The following UNC13C variants were observed in gnomAD, a reference collection of about 807,000 sequenced individuals.
UNC13C encodes the protein unc-13 homolog C.
A neutral mutation model predicts 245.4 loss-of-function variants in UNC13C; 174 were observed. The observed-to-expected ratio is 0.71, with a 90% CI of 0.63 to 0.80. UNC13C has a LOEUF of 0.80. UNC13C is among the 30% of genes least tolerant of loss of function. UNC13C has a pLI of 0.00. For missense variants in UNC13C, 2,829 were observed against 2,602.9 expected (o/e 1.09, Z -1.89); for synonymous variants, 992 against 895.1 (o/e 1.11, Z -1.93).
intron 2 of UNC13C, among the ~76,000 whole-genome samples, chr15:54,083,247 A>T (rs1899052351): frequency 6.6e-6 from 1 of 152,106 alleles, no homozygotes; most frequent in Non-Finnish European, 1.5e-5. Flanking sequence ...CAGTTCATTT[A>T]GACTTTGTTC....
chr15:53,955,254 A>G, the UNC13C span, among the ~76,000 whole-genome samples: 1 of 134,900 alleles, frequency 7.4e-6, no homozygotes, highest in South Asian at 2.4e-4. Flanking sequence ...TATCAAAGCT[A>G]TGACTTTTTC....
intron 10 of UNC13C, among the ~76,000 whole-genome samples, chr15:54,282,826 A>G (rs1052759251): frequency 2.0e-5 from 3 of 152,184 alleles, no homozygotes; most frequent in Non-Finnish European, 4.4e-5. Flanking sequence ...GAGGGGAGCT[A>G]GAGAGGGGAC....
intron 4 of UNC13C, among the ~76,000 whole-genome samples, chr15:54,201,328 C>T (rs961030298): frequency 9.2e-5 from 14 of 152,010 alleles, no homozygotes; most frequent in African/African-American, 3.1e-4. Context: ...GCCAGTATCA[C>T]TCTAGTACCA....
the UNC13C span, among the ~76,000 whole-genome samples, chr15:53,858,580 G>T: frequency 6.6e-6 from 1 of 151,476 alleles, no homozygotes; most frequent in African/African-American, 2.4e-5. Flanking sequence ...CTCACCGCAT[G>T]CAGCTAATTT....
intron 29 of UNC13C, among the ~76,000 whole-genome samples, chr15:54,565,668 G>C (rs1414366889): frequency 6.6e-6 from 1 of 151,934 alleles, no homozygotes; most frequent in Non-Finnish European, 1.5e-5. Context: ...AGAAAAGCTG[G>C]AATAGAGGCA....
rs546200122 is a variant in UNC13C, at chr15:54,107,527, A to G, written c.2984-35491A>G. Among the ~76,000 whole-genome samples the G allele has an allele frequency of 2.0e-5, 3 of 152,302 alleles. 1 individual carries two copies. The Middle Eastern group carries it at 0.01, about 518-fold the overall frequency. On this transcript the variant is annotated intron_variant, in intron 2 of 32. Coordinates refer to ENST00000260323, the MANE Select transcript of UNC13C (RefSeq NM_001080534.3). ...GGTTCCCATTTTTCAAGGAGCTTGC[A>G]GTCTACAGGAGAGGAAGTGAAGTAA...
At chr15:54,448,406 T>A (rs1890957668) in intron 19 of UNC13C, among the ~76,000 whole-genome samples, 1 of 152,174 alleles carries the variant, frequency 6.6e-6, no homozygotes, top group Non-Finnish European at 1.5e-5. Flanking sequence ...TGTTTGGGAG[T>A]CTAAGTCTCT....
the UNC13C span, among the ~76,000 whole-genome samples, chr15:53,894,411 A>T: frequency 6.6e-6 from 1 of 152,260 alleles, no homozygotes; most frequent in African/African-American, 2.4e-5. Flanking sequence ...TGGCTCAACA[A>T]ACCCAACCCC....
At chr15:53,839,156 T>C in the UNC13C span, among the ~76,000 whole-genome samples, 2 of 152,094 alleles carry the variant, frequency 1.3e-5, no homozygotes, top group African/African-American at 4.8e-5. Flanking sequence ...TGTGTGTGTT[T>C]CTTCTGCTGT....
intron 30 of UNC13C, among the ~76,000 whole-genome samples, chr15:54,598,556 C>G (rs1899226690): frequency 6.6e-6 from 1 of 152,148 alleles, no homozygotes; most frequent in Non-Finnish European, 1.5e-5. Flanking sequence ...TTGAATCAAC[C>G]TGAAGGAAGC....
intron 4 of UNC13C, among the ~76,000 whole-genome samples, chr15:54,196,449 T>C (rs1360556692): frequency 6.6e-6 from 1 of 151,998 alleles, no homozygotes; most frequent in African/African-American, 2.4e-5. Flanking sequence ...TTCCATATAA[T>C]AGAAAAAGAG....
chr15:54,433,044 G>T (rs2040904500), intron 19 of UNC13C, among the ~76,000 whole-genome samples: 2 of 151,938 alleles, frequency 1.3e-5, no homozygotes, highest in Non-Finnish European at 2.9e-5. Flanking sequence ...ACTAAACCAA[G>T]AAGAAGTTGA....
chr15:54,494,697 C>T lies in UNC13C; in HGVS notation c.5023C>T (p.Leu1675Phe). ...GTTTTATAATGAATATGTGCGTGAA[C>T]TTCCTGCCTTCAAGGATGCTGTTCC... ...KWFYNEYVRELPAFKDAVPEY... is the reference protein window; with the variant it reads ...KWFYNEYVREFPAFKDAVPEY... The change falls in exon 20 of 33, where the codon CTT becomes TTT. Residue 1675 changes from leucine (L) to phenylalanine (F), a missense_variant. Coordinates refer to ENST00000260323, the MANE Select transcript of UNC13C (RefSeq NM_001080534.3). 1 of 1,611,058 alleles carries T rather than the reference C, an allele frequency of 6.2e-7. No homozygotes were observed. Among genetic ancestry groups the T allele is most frequent in the East Asian group, 2.2e-5 (1 of 44,750 alleles).
intron 2 of UNC13C, among the ~76,000 whole-genome samples, chr15:54,052,643 C>T (rs1411178716): frequency 1.3e-5 from 2 of 152,204 alleles, no homozygotes; most frequent in African/African-American, 4.8e-5. Flanking sequence ...GAAAGGATGG[C>T]TTTCCAGTTG....
At chr15:54,055,580 T>C (rs995708530) in intron 2 of UNC13C, among the ~76,000 whole-genome samples, 3 of 152,154 alleles carry the variant, frequency 2.0e-5, no homozygotes, top group Non-Finnish European at 4.4e-5. Flanking sequence ...CAAATGTGAG[T>C]ATTTGATGCT....
intron 19 of UNC13C, among the ~76,000 whole-genome samples, chr15:54,447,588 A>G (rs1047522092): frequency 8.5e-5 from 13 of 152,158 alleles, no homozygotes; most frequent in Admixed American, 4.6e-4. Context: ...CTCTGATGGT[A>G]GTTTGTATTT....
Position 54,014,752 on chromosome 15 carries a change from A to C in UNC13C, c.1849A>C (p.Thr617Pro), listed in dbSNP as rs1297227445. ...NGGVQGIQGQTETENTETVDS... is the reference protein window; with the variant it reads ...NGGVQGIQGQPETENTETVDS... ...AGGTGTTCAGGGTATCCAAGGGCAG[A>C]CTGAAACTGAAAACACAGAAACTGT... The change falls in exon 2 of 33, where the codon ACT becomes CCT. Residue 617 changes from threonine to proline, a missense_variant. Transcript: ENST00000260323. The C allele has an allele frequency of 6.2e-7, 1 of 1,613,884 alleles. No individual in the cohort carries two copies. The highest frequency in any genetic ancestry group is 1.3e-5 in the African/African-American group (1 of 75,018).
chr15:54,559,665 T>C (rs569398059), intron 29 of UNC13C, among the ~76,000 whole-genome samples: 4 of 152,060 alleles, frequency 2.6e-5, no homozygotes, highest in Admixed American at 2.6e-4. Flanking sequence ...ATGAATTTTC[T>C]CTGAATTTCC....
intron 14 of UNC13C, among the ~76,000 whole-genome samples, chr15:54,323,311 G>T (rs1162829959): frequency 6.6e-6 from 1 of 151,890 alleles, no homozygotes; most frequent in East Asian, 1.9e-4. Flanking sequence ...AATAATCAAA[G>T]GAAAGTATAA....
Sources: gnomAD v4.1 joint callset for allele counts (sites outside exome capture counted in the v4.1 genomes callset) on GRCh38, gnomAD v4.1.1 for gene constraint, MANE v1.5 for transcripts, NCBI Gene and HGNC (gene_info 2026-07-23, HGNC 2026-07-21) for gene names.